The following FANCM variants were observed in gnomAD, a reference collection of about 807,000 sequenced individuals.
FANCM encodes Fanconi anemia group M protein.
A neutral mutation model predicts 199.5 loss-of-function variants in FANCM; 140 were observed. That is an observed-to-expected ratio of 0.70 (90% CI 0.61 to 0.81). The LOEUF is 0.81. Ranked by LOEUF, FANCM falls within the 30% of genes least tolerant of loss-of-function variation. The probability of loss-of-function intolerance (pLI) is 0.00; values close to 1 mark genes in which losing one functional copy is unlikely to be tolerated. For synonymous variants in FANCM, 840 were observed against 836.8 expected (o/e 1.00, Z -0.07); for missense variants, 2,410 against 2,421.4 (o/e 1.00, Z 0.10).
chr14:45,147,211 AGGTATTGGGAATACCAAGATATGATTCTT>A (rs1415062672), intron 3 of FANCM, among the ~76,000 whole-genome samples: 1 of 152,186 alleles, frequency 6.6e-6, no homozygotes, highest in East Asian at 1.9e-4. Flanking sequence ...GCACTGCGCC[AGGTATTGGGAATACCAAGATATGATTCTT>A]GCCCCAGGCT....
intron 9 of FANCM, among the ~76,000 whole-genome samples, chr14:45,161,570 GGAGTTC>G (rs1170315451): frequency 6.6e-6 from 1 of 152,160 alleles, no homozygotes; most frequent in Non-Finnish European, 1.5e-5. Context: ...CTTGAGGCCA[GGAGTTC>G]GAGACCAACT....
chr14:45,168,911 T>A (rs552183582), intron 11 of FANCM, among the ~76,000 whole-genome samples: 4 of 148,476 alleles, frequency 2.7e-5, no homozygotes, highest in African/African-American at 1.0e-4. Context: ...GAGCTCTGAA[T>A]TGACTATTTT....
At position 45,183,759 on chromosome 14, in the gene FANCM, G is replaced by T. The variant is rs1223737782; in HGVS notation, c.4387-15G>T. 13 of 1,596,568 alleles carry T rather than the reference G, an allele frequency of 8.1e-6. No individual in the cohort carries two copies. In the South Asian group the frequency reaches 1.3e-4, roughly 16 times the overall value. On this transcript the variant is annotated splice_polypyrimidine_tract_variant and intron_variant, in intron 16 of 22. Coordinates refer to ENST00000267430, the MANE Select transcript of FANCM (RefSeq NM_020937.4). ...TATTTTTTTCTTATGCAAGAATTTT[G>T]TCGAATTATTATAGTCAGAATTATC...
chr14:45,140,748 A>T, intron 3 of FANCM, 39 bp downstream of exon 3: 1 of 1,342,100 alleles, frequency 7.5e-7, no homozygotes. Flanking sequence ...AGTTAAGAAA[A>T]TAAAGCTTTT....
intron 9 of FANCM, among the ~76,000 whole-genome samples, chr14:45,163,412 T>A (rs1887742938): frequency 6.6e-6 from 1 of 152,190 alleles, no homozygotes; most frequent in African/African-American, 2.4e-5. Flanking sequence ...AATTACCACC[T>A]CCACCACTCC....
rs1428312431 is a variant in FANCM, at chr14:45,173,069, C to T, written c.2175C>T (p.Thr725=). The T allele has an allele frequency of 1.2e-6, 2 of 1,607,960 alleles. No individual in the cohort carries two copies. Among genetic ancestry groups the T allele is most frequent in the South Asian group, 2.2e-5 (2 of 90,938 alleles). Reference sequence around the variant, plus strand: ...AAATAATTAAGGCTCAAGAATCAACCACTGGAATTCATCAACTCTCTCTCT... The same window carrying T: ...AAATAATTAAGGCTCAAGAATCAACTACTGGAATTCATCAACTCTCTCTCT... ...NEENKPAQES[T]TGIHQLSLSE... Residue 725 remains threonine (T), a synonymous_variant, in exon 13 of 23, where the codon ACC becomes ACT. Transcript: ENST00000267430.
At chr14:45,191,108 G>A (rs974987335) in intron 20 of FANCM, among the ~76,000 whole-genome samples, 1 of 152,152 alleles carries the variant, frequency 6.6e-6, no homozygotes, top group African/African-American at 2.4e-5. Flanking sequence ...TGGAAGTATG[G>A]TGTCCTTGCT....
intron 9 of FANCM, among the ~76,000 whole-genome samples, chr14:45,162,543 C>A (rs1440598103): frequency 6.6e-6 from 1 of 152,152 alleles, no homozygotes; most frequent in East Asian, 1.9e-4. Context: ...AGTGTCTAAA[C>A]CCTTACTTTC....
Position 45,200,246 on chromosome 14 carries a change from TA to T in FANCM, c.*242del, listed in dbSNP as rs1890290246. ...TCTTATTAAATAAAACAAGGTTTAT[TA>T]AAAGTGTTACTAAGGATAGTTTAAG... On this transcript the variant is annotated 3_prime_UTR_variant, in exon 23 of 23. Coordinates refer to ENST00000267430, the MANE Select transcript of FANCM (RefSeq NM_020937.4). 1 of 170,094 alleles carries T rather than the reference TA, an allele frequency of 5.9e-6. No individual in the cohort carries two copies. The allele number at this position is 170,094 out of a possible 1,614,324, so 10.5% of individuals were successfully genotyped here.
chr14:45,156,611 G>A (rs1275503423), intron 8 of FANCM, among the ~76,000 whole-genome samples: 1 of 152,044 alleles, frequency 6.6e-6, no homozygotes, highest in Non-Finnish European at 1.5e-5. Context: ...TGATGGATTA[G>A]ACGTATGGTA....
At chr14:45,152,567 AC>A (rs1269082009) in intron 5 of FANCM, among the ~76,000 whole-genome samples, 1 of 152,206 alleles carries the variant, frequency 6.6e-6, no homozygotes, top group Non-Finnish European at 1.5e-5. Context: ...GTCAGAGAAG[AC>A]ACTCATAGAC....
At chr14:45,136,594 G>A in intron 1 of FANCM, 55 bp downstream of exon 1, 2 of 1,543,018 alleles carry the variant, frequency 1.3e-6, no homozygotes, top group Non-Finnish European at 1.8e-6. Context: ...TGACCCATGT[G>A]GAATAGTTCC....
intron 12 of FANCM, 38 bp downstream of exon 12, chr14:45,170,784 C>G (rs376133103): frequency 5.1e-5 from 80 of 1,570,396 alleles, no homozygotes; most frequent in South Asian, 3.1e-4. Flanking sequence ...TTTTCCCCCC[C>G]CTCATTTTAA....
At chr14:45,198,563 T>TCGC in intron 21 of FANCM, 81 bp from the exon 22 acceptor site, 1 of 755,830 alleles carries the variant, frequency 1.3e-6, no homozygotes, top group Non-Finnish European at 1.8e-6. Context: ...GATCTTGGGA[T>TCGC]TTTAATAAAA....
chr14:45,170,653 C>T lies in FANCM; in HGVS notation c.2067C>T (p.Asn689=), dbSNP rs1357350692. The change falls in exon 12 of 23, where the codon AAC becomes AAT. Residue 689 remains asparagine (N), a synonymous_variant. Coordinates refer to ENST00000267430, the MANE Select transcript of FANCM (RefSeq NM_020937.4). ...CAGAAGAAGAATTTAAATTATGGAA[C>T]AGACTTTATAGATTAAGGGACAGTG... ...FLSEEEFKLW[N]RLYRLRDSDE... 5.6e-6 allele frequency: 9 copies of T among 1,602,876 alleles called. No individual in the cohort carries two copies. In the African/African-American group the frequency reaches 1.1e-4, roughly 19 times the overall value.
intron 11 of FANCM, among the ~76,000 whole-genome samples, chr14:45,169,040 G>T (rs1457429763): frequency 6.6e-6 from 1 of 151,794 alleles, no homozygotes; most frequent in Non-Finnish European, 1.5e-5. Flanking sequence ...TCCTGCCTCA[G>T]CCTCCCAAGT....
At position 45,175,635 on chromosome 14, in the gene FANCM, C is replaced by G. The variant is rs1319257761; in HGVS notation, c.2881C>G (p.Leu961Val). The change falls in exon 14 of 23, where the codon CTT (leucine) becomes GTT (valine). Residue 961 changes from leucine (L) to valine (V), a missense_variant. Leu to Val is a conservative substitution (Grantham distance 32). Transcript: ENST00000267430. ...AAAATCTGTTTCATCTAACTTATTTCTTCCATTCGAAGAAGAGCTTTATAT... is the reference window on the plus strand; with the variant it reads ...AAAATCTGTTTCATCTAACTTATTTGTTCCATTCGAAGAAGAGCTTTATAT... ...DEKSVSSNLF[L>V]PFEEELYIVR... The G allele has an allele frequency of 1.2e-6, 2 of 1,613,318 alleles. No individual in the cohort carries two copies. The highest frequency in any genetic ancestry group is 1.7e-6 in the Non-Finnish European group (2 of 1,179,464).
At chr14:45,167,699 C>G (rs1888083093) in intron 11 of FANCM, among the ~76,000 whole-genome samples, 1 of 152,092 alleles carries the variant, frequency 6.6e-6, no homozygotes, top group Non-Finnish European at 1.5e-5. Context: ...TCTCAAATAT[C>G]TTGAGATATT....
intron 14 of FANCM, among the ~76,000 whole-genome samples, chr14:45,177,621 A>G (rs1016799850): frequency 3.9e-5 from 6 of 151,966 alleles, no homozygotes; most frequent in Non-Finnish European, 5.9e-5. Flanking sequence ...TGAACTCCTG[A>G]CCTCAGGTGA....
Sources: allele counts gnomAD v4.1 joint callset (sites outside exome capture counted in the v4.1 genomes callset), GRCh38; gene constraint gnomAD v4.1.1; transcripts MANE v1.5; gene names NCBI Gene and HGNC (gene_info 2026-07-23, HGNC 2026-07-21).